The following TBC1D8 variants were observed in gnomAD, a reference collection of about 807,000 sequenced individuals.
The protein encoded by TBC1D8 is TBC1 domain family member 8.
A neutral mutation model predicts 118.8 loss-of-function variants in TBC1D8; 65 were observed. That is an observed-to-expected ratio of 0.55 (90% confidence interval 0.45 to 0.67). The LOEUF (loss-of-function observed/expected upper bound fraction) is 0.67, where lower values mean the gene tolerates loss of function less well. TBC1D8 is among the 30% of genes least tolerant of loss of function. The pLI is 0.00. For synonymous variants in TBC1D8, 566 were observed against 595.8 expected, an observed-to-expected ratio of 0.95 and a Z score of 0.73; for missense variants, 1,376 against 1,471.2, an observed-to-expected ratio of 0.94 and a Z score of 1.06.
intron 1 of TBC1D8, among the ~76,000 whole-genome samples, chr2:101,142,255 C>T (rs145853381): frequency 2.0e-5 from 3 of 152,150 alleles, no homozygotes; most frequent in South Asian, 2.1e-4. Context: ...AGCTATGACC[C>T]AGTATTAGGG....
At chr2:101,023,255 A>C (rs538275766) in intron 15 of TBC1D8, among the ~76,000 whole-genome samples, 1 of 151,582 alleles carries the variant, frequency 6.6e-6, no homozygotes, top group Admixed American at 6.6e-5. Context: ...AACCAGTCTC[A>C]TGCCTCAGCC....
intron 1 of TBC1D8, among the ~76,000 whole-genome samples, chr2:101,109,200 C>G (rs747333595): frequency 4.6e-5 from 7 of 152,038 alleles, no homozygotes; most frequent in African/African-American, 1.7e-4. Flanking sequence ...CAGGGTGGAA[C>G]CACCCACGGT....
At chr2:101,060,953 C>G (rs1028508577) in intron 2 of TBC1D8, among the ~76,000 whole-genome samples, 1 of 151,890 alleles carries the variant, frequency 6.6e-6, no homozygotes, top group Admixed American at 6.6e-5. Flanking sequence ...TTTGGGAGGC[C>G]GAGGTGAATG....
At chr2:101,038,789 G>A in intron 6 of TBC1D8, 134 bp from the exon 7 acceptor site, 2 of 998,738 alleles carry the variant, frequency 2.0e-6, no homozygotes, top group Non-Finnish European at 3.0e-6. Context: ...TGGCGAGAAA[G>A]TGGCACTGCT....
At chr2:101,091,692 C>T (rs1283021770) in intron 1 of TBC1D8, among the ~76,000 whole-genome samples, 3 of 152,114 alleles carry the variant, frequency 2.0e-5, no homozygotes, top group Non-Finnish European at 2.9e-5. Context: ...GCCACTGTGC[C>T]CTACCCTGGG....
At chr2:101,037,487 A>C (rs764495669) in intron 8 of TBC1D8, 45 bp downstream of exon 8, 1 of 1,594,048 alleles carries the variant, frequency 6.3e-7, no homozygotes, top group Non-Finnish European at 8.5e-7. Context: ...CCCCAAGCCC[A>C]CGGCTCAGCT....
At chr2:101,105,722 C>T (rs1205756549) in intron 1 of TBC1D8, among the ~76,000 whole-genome samples, 1 of 150,910 alleles carries the variant, frequency 6.6e-6, no homozygotes, top group African/African-American at 2.4e-5. Context: ...CTGACGATAC[C>T]AATTGTGAGG....
chr2:101,075,569 G>A (rs1468110733), intron 2 of TBC1D8, among the ~76,000 whole-genome samples: 1 of 152,120 alleles, frequency 6.6e-6, no homozygotes, highest in Non-Finnish European at 1.5e-5. Flanking sequence ...TCATGATGGT[G>A]AGTTCTCACA....
intron 5 of TBC1D8, among the ~76,000 whole-genome samples, chr2:101,046,232 G>A (rs6725064): frequency 6.6e-6 from 1 of 152,058 alleles, no homozygotes; most frequent in African/African-American, 2.4e-5. Flanking sequence ...TGCAGCCCAC[G>A]GCCACTAGGC....
intron 1 of TBC1D8, among the ~76,000 whole-genome samples, chr2:101,133,470 A>G (rs564348707): frequency 1.3e-5 from 2 of 152,246 alleles, no homozygotes; most frequent in South Asian, 4.1e-4. Context: ...CACTACCTGG[A>G]TAGCTTATAA....
At chr2:101,022,259 G>T in intron 16 of TBC1D8, 22 bp downstream of exon 16, 2 of 1,613,248 alleles carry the variant, frequency 1.2e-6, no homozygotes, top group Non-Finnish European at 1.7e-6. Context: ...GCACATCACT[G>T]CGAAATCCCA....
At chr2:101,019,046 C>A (rs774073174) in intron 17 of TBC1D8, 1 of 1,610,504 alleles carries the variant, frequency 6.2e-7, no homozygotes, top group Admixed American at 1.7e-5. Context: ...TAAAGGGAGC[C>A]CTCCTGGAAG....
At position 101,118,512 on chromosome 2, in the gene TBC1D8, C is replaced by A. The variant is rs574845515; in HGVS notation, c.128-28148G>T. 1.1e-4 allele frequency among the ~76,000 whole-genome samples: 17 copies of A among 151,462 alleles called. No individual in the cohort carries two copies. In the East Asian group the frequency reaches 2.9e-3, roughly 26 times the overall value. On this transcript the variant is annotated intron_variant, in intron 1 of 19. Coordinates refer to ENST00000409318, the MANE Select transcript of TBC1D8 (RefSeq NM_001330348.2). ...GAGATCGAGACCATCCTGGCTAACA[C>A]GGTGAAACCCTGTCTCTACTAAAAA...
intron 17 of TBC1D8, among the ~76,000 whole-genome samples, chr2:101,021,443 C>T (rs577972762): frequency 1.2e-4 from 19 of 152,298 alleles, no homozygotes; most frequent in African/African-American, 4.6e-4. Flanking sequence ...GGTGGGGGCC[C>T]AGGAACTTGG....
intron 5 of TBC1D8, among the ~76,000 whole-genome samples, chr2:101,047,523 T>C (rs1345341322): frequency 3.3e-5 from 5 of 152,208 alleles, no homozygotes; most frequent in Non-Finnish European, 7.3e-5. Context: ...ACTGAGTCAT[T>C]ACCTGTCTAT....
chr2:101,103,437 G>C (rs913937753), intron 1 of TBC1D8, among the ~76,000 whole-genome samples: 1 of 150,102 alleles, frequency 6.7e-6, no homozygotes, highest in African/African-American at 2.5e-5. Context: ...TGCTGCCTAG[G>C]CTGGAATGCA....
At chr2:101,145,000 C>T (rs1368540642) in intron 1 of TBC1D8, among the ~76,000 whole-genome samples, 1 of 152,170 alleles carries the variant, frequency 6.6e-6, no homozygotes, top group Non-Finnish European at 1.5e-5. Flanking sequence ...AATGTGGAGT[C>T]AAGATCATAA....
intron 1 of TBC1D8, among the ~76,000 whole-genome samples, chr2:101,102,763 C>T (rs142636442): frequency 6.6e-6 from 1 of 152,068 alleles, no homozygotes; most frequent in East Asian, 1.9e-4. Context: ...GTATTACAGG[C>T]CAGGCACAAT....
intron 1 of TBC1D8, among the ~76,000 whole-genome samples, chr2:101,133,994 T>C (rs1406960700): frequency 1.3e-5 from 2 of 152,138 alleles, no homozygotes; most frequent in African/African-American, 2.4e-5. Flanking sequence ...GAGAACAGCA[T>C]GGAGGAAAAC....
Sources: allele counts gnomAD v4.1 joint callset (sites outside exome capture counted in the v4.1 genomes callset), GRCh38; gene constraint gnomAD v4.1.1; transcripts MANE v1.5; gene names NCBI Gene and HGNC (gene_info 2026-07-23, HGNC 2026-07-21).